PTGIS: variants seen among roughly 807,000 people sequenced by gnomAD.
PTGIS encodes prostaglandin I2 synthase.
Under a neutral mutation model 50.3 loss-of-function variants are expected in PTGIS, and 45 were observed. That is an observed-to-expected ratio of 0.90 (90% CI 0.70 to 1.15). The LOEUF is 1.15. PTGIS is among the 50% of genes most tolerant of loss of function. The pLI is 0.00. For synonymous variants in PTGIS, 260 were observed against 267.7 expected (o/e 0.97, Z 0.28); for missense variants, 668 against 661.3 (o/e 1.01, Z -0.11).
chr20:49,535,920 C>T (rs1170649285), intron 5 of PTGIS, among the ~76,000 whole-genome samples: 1 of 152,214 alleles, frequency 6.6e-6, no homozygotes, highest in African/African-American at 2.4e-5. Context: ...TCTCCAGGTA[C>T]AATATCAGAT....
intron 9 of PTGIS, among the ~76,000 whole-genome samples, chr20:49,508,367 G>C (rs1981214476): frequency 6.6e-6 from 1 of 152,202 alleles, no homozygotes; most frequent in Admixed American, 6.5e-5. Context: ...CTCCTGCCTG[G>C]CAGCCATGCA....
intron 5 of PTGIS, 68 bp from the exon 6 acceptor site, chr20:49,524,307 A>G (rs1349550535): frequency 9.0e-6 from 14 of 1,549,810 alleles, no homozygotes; most frequent in African/African-American, 1.4e-5. Context: ...CTGGCCAGGC[A>G]TGACCTCCCA....
At chr20:49,542,559 T>C (rs1982257002) in intron 4 of PTGIS, among the ~76,000 whole-genome samples, 1 of 152,214 alleles carries the variant, frequency 6.6e-6, no homozygotes. Flanking sequence ...TATCTCTCTC[T>C]GACTTCTTTG....
chr20:49,559,124 A>C (rs1297635249), intron 1 of PTGIS, among the ~76,000 whole-genome samples: 1 of 152,188 alleles, frequency 6.6e-6, no homozygotes, highest in African/African-American at 2.4e-5. Flanking sequence ...CAGACCCAGG[A>C]AACATCCTGC....
chr20:49,520,847 T>C (rs967334024), intron 6 of PTGIS, among the ~76,000 whole-genome samples: 1 of 149,758 alleles, frequency 6.7e-6, no homozygotes, highest in Non-Finnish European at 1.5e-5. Flanking sequence ...ACAAAAAAAA[T>C]AAGGTAGTTT....
chr20:49,555,733 A>G (rs1429690436), intron 1 of PTGIS, among the ~76,000 whole-genome samples: 1 of 152,200 alleles, frequency 6.6e-6, no homozygotes, highest in Non-Finnish European at 1.5e-5. Flanking sequence ...TTCCTTGTCA[A>G]TTGTGTCTTT....
At chr20:49,551,574 T>C (rs567241207) in intron 1 of PTGIS, among the ~76,000 whole-genome samples, 49 of 152,328 alleles carry the variant, frequency 3.2e-4, no homozygotes, top group Non-Finnish European at 6.2e-4. Flanking sequence ...GATTGATATC[T>C]CCTGTCTCCC....
At chr20:49,520,829 G>A (rs952951242) in intron 6 of PTGIS, among the ~76,000 whole-genome samples, 2 of 151,850 alleles carry the variant, frequency 1.3e-5, no homozygotes, top group Admixed American at 1.3e-4. Context: ...ATCACGCCCA[G>A]CTTTTCTACA....
intron 5 of PTGIS, among the ~76,000 whole-genome samples, chr20:49,524,861 C>T (rs1981756089): frequency 6.6e-6 from 1 of 152,204 alleles, no homozygotes; most frequent in African/African-American, 2.4e-5. Context: ...GTCCCTCCCA[C>T]AACACATGAG....
chr20:49,534,024 C>T (rs1982005126), intron 5 of PTGIS, among the ~76,000 whole-genome samples: 1 of 152,230 alleles, frequency 6.6e-6, no homozygotes, highest in East Asian at 1.9e-4. Context: ...AGTATACCCT[C>T]TGCCTGCAGC....
chr20:49,522,484 C>T (rs756788031), intron 6 of PTGIS, among the ~76,000 whole-genome samples: 13 of 151,878 alleles, frequency 8.6e-5, no homozygotes, highest in East Asian at 1.9e-4. Context: ...TTGAGGTCTA[C>T]GGTAAGTACT....
rs1167227238 is a variant in PTGIS, at chr20:49,505,090, T to G, written c.*2830A>C. ...GTGAGCCGAGATCACGCCACTGCAC[T>G]CTAGCCTGGGCAGCAGAGCGAGACT... On this transcript the variant is annotated 3_prime_UTR_variant, in exon 10 of 10. Coordinates refer to ENST00000244043, the MANE Select transcript of PTGIS (RefSeq NM_000961.4). 2.2e-5 allele frequency: 3 copies of G among 136,970 alleles called. No individual in the cohort carries two copies. In the East Asian group the frequency reaches 6.2e-4, roughly 28 times the overall value. The allele number at this position is 136,970 out of a possible 1,614,324, so 8.5% of individuals were successfully genotyped here.
chr20:49,562,868 C>T (rs1225456770), intron 1 of PTGIS, among the ~76,000 whole-genome samples: 1 of 152,188 alleles, frequency 6.6e-6, no homozygotes, highest in Non-Finnish European at 1.5e-5. Context: ...CCTGACGTAT[C>T]GCATCTTCAC....
Position 49,516,918 on chromosome 20 carries a change from G to T in PTGIS, c.856-2523C>A, listed in dbSNP as rs375138282. Among the ~76,000 whole-genome samples the T allele has an allele frequency of 9.2e-5, 14 of 152,348 alleles. No individual in the cohort carries two copies. In the South Asian group the frequency reaches 2.1e-3, roughly 23 times the overall value. On this transcript the variant is annotated intron_variant, in intron 6 of 9. Transcript: ENST00000244043. ...CTAGAAGATCCCTGGACTGAGACCA[G>T]GTAGAGGTGGGTTCAAATCCCAGCT...
chr20:49,534,629 A>AGACC (rs1449055816), intron 5 of PTGIS, among the ~76,000 whole-genome samples: 1 of 152,212 alleles, frequency 6.6e-6, no homozygotes, highest in African/African-American at 2.4e-5. Flanking sequence ...GCAGACAGAC[A>AGACC]GACCAAGTTT....
At chr20:49,536,470 C>CTTTTTTTTTTTTTTTTT (rs1471525960) in intron 5 of PTGIS, among the ~76,000 whole-genome samples, 2 of 135,104 alleles carry the variant, frequency 1.5e-5, no homozygotes, top group African/African-American at 3.0e-5. Flanking sequence ...TTCTTTCTTT[C>CTTTTTTTTTTTTTTTTT]TTTCTTTCTT....
chr20:49,560,684 A>G (rs2122904838), intron 1 of PTGIS, among the ~76,000 whole-genome samples: 1 of 152,266 alleles, frequency 6.6e-6, no homozygotes, highest in East Asian at 1.9e-4. Context: ...GGGCAGGGAG[A>G]AGAGTGTTAC....
intron 6 of PTGIS, among the ~76,000 whole-genome samples, chr20:49,523,012 G>C (rs1981692824): frequency 6.6e-6 from 1 of 152,010 alleles, no homozygotes; most frequent in Non-Finnish European, 1.5e-5. Context: ...GACAGAGCAA[G>C]ACTCCATCTC....
chr20:49,508,845 G>A (rs1043860613), intron 9 of PTGIS, among the ~76,000 whole-genome samples: 9 of 152,218 alleles, frequency 5.9e-5, no homozygotes, highest in Non-Finnish European at 1.2e-4. Context: ...TAAATGTGGA[G>A]GCAGCCCTAC....
Sources: gnomAD v4.1 joint callset for allele counts (sites outside exome capture counted in the v4.1 genomes callset) on GRCh38, gnomAD v4.1.1 for gene constraint, MANE v1.5 for transcripts, NCBI Gene and HGNC (gene_info 2026-07-23, HGNC 2026-07-21) for gene names.